The following GCFC2 variants were observed in gnomAD, a reference collection of about 807,000 sequenced individuals.
GCFC2 encodes intron Large complex component GCFC2.
GCFC2 carries 102 observed loss-of-function variants against 99.4 expected under a neutral mutation model. That is an observed-to-expected ratio of 1.03 (90% CI 0.87 to 1.21). The LOEUF (loss-of-function observed/expected upper bound fraction) is 1.21, where lower values mean the gene tolerates loss of function less well. GCFC2 is among the 50% of genes most tolerant of loss of function. The pLI is 0.00. For missense variants in GCFC2, 973 were observed against 920.9 expected (o/e 1.06, Z -0.73); for synonymous variants, 338 against 316.8 (o/e 1.07, Z -0.71).
chr2:75,701,260 T>C lies in GCFC2; in HGVS notation c.647A>G (p.Glu216Gly), dbSNP rs554704253. 2.5e-6 allele frequency: 4 copies of C among 1,606,658 alleles called. No individual in the cohort carries two copies. The African/African-American group carries it at 5.3e-5, about 21-fold the overall frequency. The change falls in exon 4 of 17, where the codon GAA (glutamate) becomes GGA (glycine). Residue 216 changes from glutamate to glycine, a missense_variant. Transcript: ENST00000321027. ...SISRNEETSE[E>G]SQEDEKQDTW... Reference sequence around the variant, plus strand: ...ATCTTGCTTTTCATCTTCCTGACTTTCTTCACTTGTTTCTTCATTTCTGCT... The same window carrying C: ...ATCTTGCTTTTCATCTTCCTGACTTCCTTCACTTGTTTCTTCATTTCTGCT...
Position 75,673,455 on chromosome 2 carries a change from C to G in GCFC2, c.1878G>C (p.Leu626=), listed in dbSNP as rs1271371545. ...KAVEDDVFIP[L]YPKSAVENKT... ...TTAACAGCGCTTACCTCTTTGGATA[C>G]AGAGGAATAAAAACATCATCTTCTA... Residue 626 remains leucine (L), a synonymous_variant, in exon 13 of 17, where the codon CTG becomes CTC. Coordinates refer to ENST00000321027, the MANE Select transcript of GCFC2 (RefSeq NM_003203.5). 1 of 1,368,602 alleles carries G rather than the reference C, an allele frequency of 7.3e-7. No individual in the cohort carries two copies. Among genetic ancestry groups the G allele is most frequent in the East Asian group, 2.3e-5 (1 of 43,766 alleles). 84.8% of individuals were successfully genotyped at this position (1,368,602 alleles called of 1,614,324 possible).
At chr2:75,681,051 A>G (rs1239747470) in intron 11 of GCFC2, among the ~76,000 whole-genome samples, 1 of 152,208 alleles carries the variant, frequency 6.6e-6, no homozygotes, top group Non-Finnish European at 1.5e-5. Flanking sequence ...TGGTATTGAC[A>G]TCACTTGTAC....
rs1464663469 is a variant in GCFC2, at chr2:75,702,237, C to CTTA, written c.578_580dup (p.Leu193_Arg194insIle). The stretch of plus-strand genomic sequence containing the variant: ...CATCCTTTGTCTAAGTGTTTGAGGT[C>CTTA]TTAGAGTAAATGGTATTCTCTTTTC... On this transcript the variant is annotated inframe_insertion, in exon 3 of 17. Transcript: ENST00000321027. 2 of 1,610,604 alleles carry CTTA rather than the reference C, an allele frequency of 1.2e-6. No homozygotes were observed. Among genetic ancestry groups the CTTA allele is most frequent in the Middle Eastern group, 1.7e-4 (1 of 6,050 alleles).
At chr2:75,701,459 A>C (rs922901094) in intron 3 of GCFC2, 172 bp from the exon 4 acceptor site, 3 of 591,116 alleles carry the variant, frequency 5.1e-6, no homozygotes, top group African/African-American at 1.9e-5. Context: ...ACAAATGAGG[A>C]AATGCAAATA....
rs1229249532 is a variant in GCFC2 at position 75,705,635 on chromosome 2, A to AAAAAG, written c.394+887_394+888insCTTTT. 4.7e-4 allele frequency among the ~76,000 whole-genome samples: 71 copies of AAAAAG among 150,980 alleles called. 1 individual carries two copies. Among genetic ancestry groups the AAAAAG allele is most frequent in the Non-Finnish European group, 9.0e-4 (61 of 67,720 alleles). On this transcript the variant is annotated intron_variant, in intron 2 of 16. Coordinates refer to ENST00000321027, the MANE Select transcript of GCFC2 (RefSeq NM_003203.5). Reference sequence around the variant, plus strand: ...CCATCTCAAAAAAAAAAAAAAAAAAAAAGAAGCACAGAAGCACTTATTACT... The same window carrying AAAAAG: ...CCATCTCAAAAAAAAAAAAAAAAAAAAAAAGAAGAAGCACAGAAGCACTTATTACT...
chr2:75,682,789 C>T lies in GCFC2; in HGVS notation c.1691-2475G>A, dbSNP rs1183270789. 2.6e-5 allele frequency among the ~76,000 whole-genome samples: 4 copies of T among 151,714 alleles called. No homozygotes were observed. The South Asian group carries it at 6.2e-4, about 24-fold the overall frequency. ...GCTGAAAAACACTGCATGAGAATGT[C>T]GTGAAGCATACACAGGTATCAATAG... On this transcript the variant is annotated intron_variant, in intron 11 of 16. Transcript: ENST00000321027.
At chr2:75,683,171 A>T (rs1215563767) in intron 11 of GCFC2, among the ~76,000 whole-genome samples, 4 of 151,868 alleles carry the variant, frequency 2.6e-5, no homozygotes, top group African/African-American at 9.7e-5. Context: ...AATGAAGGAA[A>T]AAAAGTTAAG....
At chr2:75,676,011 G>A (rs1326584130) in intron 12 of GCFC2, among the ~76,000 whole-genome samples, 1 of 152,106 alleles carries the variant, frequency 6.6e-6, no homozygotes, top group Non-Finnish European at 1.5e-5. Context: ...ATCCATGGAG[G>A]TAATCCCAGG....
chr2:75,683,771 C>CAAAAAAAA (rs749580096), intron 11 of GCFC2, among the ~76,000 whole-genome samples: 392 of 59,800 alleles, frequency 6.6e-3, no homozygotes, highest in African/African-American at 0.017. Context: ...AAATGGAAAG[C>CAAAAAAAA]AAAAAAAAAA....
chr2:75,688,095 T>G (rs1679900668), intron 10 of GCFC2, 118 bp from the exon 11 acceptor site: 3 of 647,474 alleles, frequency 4.6e-6, no homozygotes, highest in Non-Finnish European at 7.6e-6. Flanking sequence ...AGAGATTAAT[T>G]CCCTATTTTA....
chr2:75,669,931 G>T (rs879526966), intron 15 of GCFC2: 2 of 349,288 alleles, frequency 5.7e-6, no homozygotes, highest in African/African-American at 4.1e-5. Context: ...CACCATGTTG[G>T]TGAGGCTGGT....
chr2:75,679,081 A>G (rs1036441375), intron 12 of GCFC2, among the ~76,000 whole-genome samples: 2 of 133,690 alleles, frequency 1.5e-5, no homozygotes, highest in Admixed American at 6.9e-5. Flanking sequence ...TTGGAATTAA[A>G]TAAGTGTTTG....
chr2:75,712,786 C>T (rs1163683019), upstream of GCFC2, among the ~76,000 whole-genome samples: 2 of 152,078 alleles, frequency 1.3e-5, no homozygotes. Context: ...AGACCCCAGA[C>T]GCGCCACCTT....
At chr2:75,696,149 T>A (rs745499777) in intron 5 of GCFC2, 51 bp downstream of exon 5, 2 of 739,020 alleles carry the variant, frequency 2.7e-6, no homozygotes, top group South Asian at 3.0e-5. Context: ...GTTATATCTT[T>A]AGTATTAAAT....
Position 75,694,341 on chromosome 2 carries a change from A to T in GCFC2, c.920T>A (p.Ile307Asn), listed in dbSNP as rs746565943. ...VQDVKSSKST[I>N]QNLESSSNQA... ...ATTTGATGAACTCTCTAGGTTCTGG[A>T]TGGTACTCTTTGAGCTTTTGACATC... Residue 307 changes from isoleucine (I) to asparagine (N), a missense_variant, in exon 6 of 17, where the codon ATC (isoleucine) becomes AAC (asparagine). By Grantham distance (149) the Ile-to-Asn change is moderately radical (BLOSUM62 -3). Coordinates refer to ENST00000321027, the MANE Select transcript of GCFC2 (RefSeq NM_003203.5). The T allele has an allele frequency of 6.7e-7, 1 of 1,482,930 alleles. No individual in the cohort carries two copies. Among genetic ancestry groups the T allele is most frequent in the Non-Finnish European group, 9.3e-7 (1 of 1,072,156 alleles). The allele number at this position is 1,482,930 out of a possible 1,614,324, so 91.9% of individuals were successfully genotyped here.
chr2:75,709,656 T>C (rs1681040351), intron 1 of GCFC2, among the ~76,000 whole-genome samples: 1 of 152,132 alleles, frequency 6.6e-6, no homozygotes, highest in African/African-American at 2.4e-5. Context: ...TTAATAACAA[T>C]GCATTGCATA....
intron 11 of GCFC2, among the ~76,000 whole-genome samples, chr2:75,680,882 A>G (rs1419021593): frequency 6.6e-6 from 1 of 152,162 alleles, no homozygotes; most frequent in African/African-American, 2.4e-5. Context: ...CTACACACCT[A>G]CCTACATCTG....
chr2:75,669,619 CTAG>C (rs1039855960), intron 15 of GCFC2, among the ~76,000 whole-genome samples: 9 of 152,180 alleles, frequency 5.9e-5, no homozygotes, highest in African/African-American at 1.7e-4. Flanking sequence ...AGCCAGCCAT[CTAG>C]CATCATTTAT....
rs749836394 is a variant in GCFC2, at chr2:75,670,197, G to A, written c.2044C>T (p.Leu682Phe). The A allele has an allele frequency of 1.2e-6, 2 of 1,606,218 alleles. No homozygotes were observed. Among genetic ancestry groups the A allele is most frequent in the Non-Finnish European group, 1.7e-6 (2 of 1,172,998 alleles). The change falls in exon 15 of 17, where the codon CTT (leucine) becomes TTT (phenylalanine). Residue 682 changes from leucine to phenylalanine, a missense_variant. Physicochemically the swap from Leu to Phe is conservative, Grantham distance 22 (BLOSUM62 0). Coordinates refer to ENST00000321027, the MANE Select transcript of GCFC2 (RefSeq NM_003203.5). ...LGLGKLLNRYLIIALLNATPG... is the reference protein window; with the variant it reads ...LGLGKLLNRYFIIALLNATPG... ...GTGGCATTGAGAAGTGCTATAATAA[G>A]GTAACGATTTAGCAGCTTCCCTAGT...
Sources: allele counts gnomAD v4.1 joint callset (sites outside exome capture counted in the v4.1 genomes callset), GRCh38; gene constraint gnomAD v4.1.1; transcripts MANE v1.5; gene names NCBI Gene and HGNC (gene_info 2026-07-23, HGNC 2026-07-21).